EPHA6: variants seen among roughly 807,000 people sequenced by gnomAD.
EPHA6 encodes EPH receptor A6, also known as ephrin type-A receptor 6.
A neutral mutation model predicts 112.0 loss-of-function variants in EPHA6; 50 were observed. The observed-to-expected ratio is 0.45, with a 90% CI of 0.36 to 0.56. EPHA6 has a LOEUF of 0.56. EPHA6 is among the 20% of genes least tolerant of loss of function. The probability of loss-of-function intolerance (pLI) is 0.00; values close to 1 mark genes in which losing one functional copy is unlikely to be tolerated. For missense variants in EPHA6, 1,280 were observed against 1,417.4 expected (o/e 0.90, Z 1.56); for synonymous variants, 529 against 490.7 (o/e 1.08, Z -1.03).
intron 2 of EPHA6, among the ~76,000 whole-genome samples, chr3:96,917,636 G>A (rs909779803): frequency 9.2e-5 from 14 of 151,598 alleles, no homozygotes; most frequent in South Asian, 2.1e-4. Context: ...AAACCACTGC[G>A]CTAAGGCTGT....
chr3:97,079,834 A>C (rs2046663105), intron 3 of EPHA6, among the ~76,000 whole-genome samples: 2 of 151,824 alleles, frequency 1.3e-5, no homozygotes, highest in African/African-American at 4.8e-5. Context: ...GCAACCATCA[A>C]CGTTGAGGCA....
intron 5 of EPHA6, among the ~76,000 whole-genome samples, chr3:97,264,022 G>C (rs1233694236): frequency 6.6e-6 from 1 of 152,156 alleles, no homozygotes; most frequent in African/African-American, 2.4e-5. Flanking sequence ...TTTCTGTAAA[G>C]AGCAAGATAG....
intron 3 of EPHA6, among the ~76,000 whole-genome samples, chr3:97,156,720 C>A (rs2076296774): frequency 6.6e-6 from 1 of 152,104 alleles, no homozygotes; most frequent in Non-Finnish European, 1.5e-5. Context: ...GCACTTTTTA[C>A]AATTTAAGAA....
chr3:96,910,488 A>G (rs964730372), intron 2 of EPHA6, among the ~76,000 whole-genome samples: 2 of 152,200 alleles, frequency 1.3e-5, no homozygotes, highest in African/African-American at 4.8e-5. Context: ...TCAAAATTCA[A>G]AGGACTTACT....
chr3:97,175,687 C>T (rs1415222353), intron 3 of EPHA6, among the ~76,000 whole-genome samples: 2 of 151,612 alleles, frequency 1.3e-5, no homozygotes, highest in Non-Finnish European at 3.0e-5. Flanking sequence ...TTCTTTTTCA[C>T]ATTATTCACT....
At chr3:97,094,588 TCA>T (rs1284838082) in intron 3 of EPHA6, among the ~76,000 whole-genome samples, 13 of 152,294 alleles carry the variant, frequency 8.5e-5, no homozygotes, top group Non-Finnish European at 1.9e-4. Flanking sequence ...TTAACATTTC[TCA>T]GTTATTAAAA....
At chr3:97,198,479 T>A (rs1018163885) in intron 3 of EPHA6, among the ~76,000 whole-genome samples, 4 of 151,990 alleles carry the variant, frequency 2.6e-5, no homozygotes, top group African/African-American at 9.7e-5. Flanking sequence ...CCCTCCCAGT[T>A]ACTACAGACT....
At position 97,405,278 on chromosome 3, in the gene EPHA6, G is replaced by A. The variant is rs758623391; in HGVS notation, c.1731+4G>A. On this transcript the variant is annotated splice_donor_region_variant and intron_variant, in intron 6 of 17. Coordinates refer to ENST00000389672, the MANE Select transcript of EPHA6 (RefSeq NM_001080448.3). ...CGAGATCAAGTACTATGAGAAAGTA[G>A]GTCTTATTTGGAGCTTCCTATAAAA... is the stretch of plus-strand genomic sequence containing the variant. 2 of 1,610,010 alleles carry A rather than the reference G, an allele frequency of 1.2e-6. No individual in the cohort carries two copies. The highest frequency in any genetic ancestry group is 1.7e-6 in the Non-Finnish European group (2 of 1,177,850).
chr3:97,403,392 A>G (rs899302058), intron 5 of EPHA6, among the ~76,000 whole-genome samples: 2 of 152,136 alleles, frequency 1.3e-5, no homozygotes, highest in Non-Finnish European at 2.9e-5. Context: ...CTCCAATTCA[A>G]TACAGTATTC....
chr3:96,830,997 A>G (rs1397210263), intron 1 of EPHA6, among the ~76,000 whole-genome samples: 1 of 152,064 alleles, frequency 6.6e-6, no homozygotes, highest in Non-Finnish European at 1.5e-5. Context: ...ACACACACAC[A>G]TATATGCTTC....
intron 1 of EPHA6, among the ~76,000 whole-genome samples, chr3:96,851,425 G>A (rs895868313): frequency 2.6e-5 from 4 of 152,028 alleles, no homozygotes; most frequent in Non-Finnish European, 4.4e-5. Context: ...AATTTTTTAC[G>A]CCAAGGCTAC....
chr3:97,039,714 CGG>C (rs2045247961), intron 3 of EPHA6, among the ~76,000 whole-genome samples: 1 of 151,710 alleles, frequency 6.6e-6, no homozygotes, highest in Non-Finnish European at 1.5e-5. Flanking sequence ...TACATGTATT[CGG>C]CAGTAAAGAG....
chr3:97,386,643 AC>A (rs1458578055), intron 5 of EPHA6, among the ~76,000 whole-genome samples: 5 of 152,168 alleles, frequency 3.3e-5, no homozygotes, highest in Admixed American at 3.3e-4. Flanking sequence ...GGCACACAGT[AC>A]AAACTGTCAG....
intron 5 of EPHA6, among the ~76,000 whole-genome samples, chr3:97,349,076 A>C (rs2083675122): frequency 6.6e-6 from 1 of 152,104 alleles, no homozygotes; most frequent in African/African-American, 2.4e-5. Context: ...TACTTATCTG[A>C]ATATTAAAAC....
At chr3:96,829,537 A>G (rs1452985250) in intron 1 of EPHA6, among the ~76,000 whole-genome samples, 1 of 152,122 alleles carries the variant, frequency 6.6e-6, no homozygotes, top group African/African-American at 2.4e-5. Context: ...TACCCAGAGG[A>G]AAAGAGGTGT....
intron 2 of EPHA6, among the ~76,000 whole-genome samples, chr3:96,899,720 A>T (rs1332561522): frequency 1.3e-5 from 2 of 152,182 alleles, no homozygotes; most frequent in African/African-American, 4.8e-5. Flanking sequence ...TTCTGTTTTT[A>T]GTATTTTATT....
At chr3:96,827,003 A>G (rs1412673935) in intron 1 of EPHA6, among the ~76,000 whole-genome samples, 1 of 152,138 alleles carries the variant, frequency 6.6e-6, no homozygotes, top group African/African-American at 2.4e-5. Context: ...AAAACGGCCT[A>G]AATTCAGTCA....
intron 10 of EPHA6, among the ~76,000 whole-genome samples, chr3:97,510,005 T>C (rs965531548): frequency 2.0e-5 from 3 of 152,236 alleles, no homozygotes; most frequent in African/African-American, 7.2e-5. Flanking sequence ...GTACACTTCA[T>C]GAACTTCTTG....
intron 13 of EPHA6, among the ~76,000 whole-genome samples, chr3:97,616,477 C>A (rs2093767464): frequency 6.6e-6 from 1 of 152,064 alleles, no homozygotes; most frequent in Non-Finnish European, 1.5e-5. Context: ...CTAAGAAAAT[C>A]TTCACTGAGC....
Sources: gnomAD v4.1 joint callset for allele counts (sites outside exome capture counted in the v4.1 genomes callset) on GRCh38, gnomAD v4.1.1 for gene constraint, MANE v1.5 for transcripts, NCBI Gene and HGNC (gene_info 2026-07-23, HGNC 2026-07-21) for gene names.